Variants in VWA8 observed in about 807,000 individuals in gnomAD.
VWA8 encodes the protein von Willebrand factor A domain-containing protein 8.
VWA8 carries 221 observed loss-of-function variants against 241.5 expected under a neutral mutation model. The ratio of observed to expected loss-of-function variants is 0.91; its 90% CI spans 0.82 to 1.02. The LOEUF (loss-of-function observed/expected upper bound fraction) is 1.02, where lower values mean the gene tolerates loss of function less well. Ranked by LOEUF, VWA8 falls within the 50% of genes least tolerant of loss-of-function variation. The pLI, the probability that VWA8 is intolerant of heterozygous loss-of-function variation, is 0.00. For missense variants in VWA8, 2,322 were observed against 2,328.7 expected (o/e 1.00, Z 0.06); for synonymous variants, 852 against 827.1 (o/e 1.03, Z -0.52).
chr13:41,692,554 T>C (rs2045185408), intron 30 of VWA8, among the ~76,000 whole-genome samples: 3 of 152,126 alleles, frequency 2.0e-5, no homozygotes, highest in East Asian at 1.9e-4. Flanking sequence ...ACAGGTTAAA[T>C]TGACTCCATG....
chr13:41,901,489 CA>C (rs1875421803), intron 4 of VWA8, among the ~76,000 whole-genome samples: 1 of 152,198 alleles, frequency 6.6e-6, no homozygotes, highest in Non-Finnish European at 1.5e-5. Flanking sequence ...GCACCTAGCA[CA>C]ACGTAGGTCT....
rs913493645 is a variant in VWA8 at position 41,611,584 on chromosome 13, G to C, written c.4869C>G (p.Phe1623Leu). The change falls in exon 39 of 45, where the codon TTC becomes TTG. Residue 1623 changes from phenylalanine to leucine, a missense_variant. Transcript: ENST00000379310. ...RAAREMGQRA[F>L]QQRLKEIQMS... ...GTGATGGGAGCACTGACCTCTGCTG[G>C]AATGCTCTCTGGCCCATCTCTCTAG... 1.2e-6 allele frequency: 2 copies of C among 1,613,874 alleles called. No homozygotes were observed. Among genetic ancestry groups the C allele is most frequent in the Non-Finnish European group, 1.7e-6 (2 of 1,179,890 alleles).
intron 37 of VWA8, among the ~76,000 whole-genome samples, chr13:41,649,730 G>T (rs1043816935): frequency 6.6e-6 from 1 of 151,990 alleles, no homozygotes; most frequent in Non-Finnish European, 1.5e-5. Flanking sequence ...ATCTGGTAAT[G>T]GTGAAACAGA....
intron 2 of VWA8, among the ~76,000 whole-genome samples, chr13:41,920,840 A>G (rs1390786901): frequency 1.3e-5 from 2 of 152,228 alleles, no homozygotes; most frequent in East Asian, 1.9e-4. Context: ...ATTCACAGCC[A>G]AATTCTACCA....
chr13:41,863,678 T>C (rs1873151824), intron 12 of VWA8, among the ~76,000 whole-genome samples: 2 of 151,666 alleles, frequency 1.3e-5, no homozygotes, highest in South Asian at 4.2e-4. Flanking sequence ...TGCAGCAACA[T>C]GGATGTAGCT....
intron 2 of VWA8, among the ~76,000 whole-genome samples, chr13:41,944,741 C>T (rs188667523): frequency 1.3e-5 from 2 of 152,300 alleles, no homozygotes; most frequent in East Asian, 3.9e-4. Context: ...TGGCAGCTCC[C>T]TGAAATGCTC....
intron 32 of VWA8, 30 bp from the exon 33 acceptor site, chr13:41,690,305 T>C (rs1803275428): frequency 6.3e-7 from 1 of 1,581,296 alleles, no homozygotes; most frequent in African/African-American, 1.4e-5. Context: ...CTAGCTTAAG[T>C]GAAATTTTTC....
Position 41,610,323 on chromosome 13 carries a change from T to C in VWA8, c.4877+1253A>G, listed in dbSNP as rs965530615. On this transcript the variant is annotated intron_variant, in intron 39 of 44. Transcript: ENST00000379310. ...ATAAACACTTTCATTCCTAACATAG[T>C]TACCTGTTCTCATAACCTCCCTGGG... Among the ~76,000 whole-genome samples the C allele has an allele frequency of 2.0e-5, 3 of 152,328 alleles. No homozygotes were observed. In the East Asian group the frequency reaches 5.8e-4, roughly 29 times the overall value.
chr13:41,637,944 T>G (rs1593666261), intron 37 of VWA8, among the ~76,000 whole-genome samples: 1 of 152,226 alleles, frequency 6.6e-6, no homozygotes, highest in East Asian at 1.9e-4. Flanking sequence ...GAGTTTTAGT[T>G]CTAGTTCTAC....
chr13:41,882,720 G>C (rs1424755693), intron 9 of VWA8, among the ~76,000 whole-genome samples: 1 of 152,110 alleles, frequency 6.6e-6, no homozygotes, highest in African/African-American at 2.4e-5. Context: ...AGGAGAATCA[G>C]GCAGGGAGGT....
intron 37 of VWA8, among the ~76,000 whole-genome samples, chr13:41,653,734 T>C (rs1408146777): frequency 6.6e-6 from 1 of 151,962 alleles, no homozygotes; most frequent in Non-Finnish European, 1.5e-5. Context: ...TGGAACAGAA[T>C]AGAGAACCCA....
chr13:41,587,604 G>C lies in VWA8; in HGVS notation c.5179C>G (p.Arg1727Gly). Residue 1727 changes from arginine (R) to glycine (G), a missense_variant, in exon 42 of 45, where the codon CGT becomes GGT. Transcript: ENST00000379310. ...AGCCGGCCATCCATCCTGTTGAAAC[G>C]GTACATGCTACCAGACACATCTACC... ...LVVDVSGSMY[R>G]FNRMDGRLER... 1 of 1,614,144 alleles carries C rather than the reference G, an allele frequency of 6.2e-7. No homozygotes were observed. The highest frequency in any genetic ancestry group is 8.5e-7 in the Non-Finnish European group (1 of 1,180,042).
chr13:41,608,570 T>C (rs1297248181), intron 39 of VWA8, among the ~76,000 whole-genome samples: 1 of 152,208 alleles, frequency 6.6e-6, no homozygotes, highest in African/African-American at 2.4e-5. Context: ...CTCATTTTAC[T>C]TTTTCTTATA....
At chr13:41,942,067 TC>T (rs1357700834) in intron 2 of VWA8, among the ~76,000 whole-genome samples, 1 of 151,970 alleles carries the variant, frequency 6.6e-6, no homozygotes, top group Non-Finnish European at 1.5e-5. Context: ...AGTGCCCTTT[TC>T]CCCCCAATTA....
rs372439480 is a variant in VWA8, at chr13:41,706,841, T to C, written c.3117-3430A>G. 7.2e-5 allele frequency among the ~76,000 whole-genome samples: 11 copies of C among 152,358 alleles called. No individual in the cohort carries two copies. The East Asian group carries it at 1.3e-3, about 19-fold the overall frequency. On this transcript the variant is annotated intron_variant, in intron 26 of 44. Coordinates refer to ENST00000379310, the MANE Select transcript of VWA8 (RefSeq NM_015058.2). ...TGGCTTTAAGACTTTGTCACTTGTA[T>C]TGTTTAACTTTGTTAAAGTCCTAGC...
intron 20 of VWA8, among the ~76,000 whole-genome samples, chr13:41,765,022 G>C (rs988187750): frequency 1.9e-4 from 29 of 152,118 alleles, no homozygotes; most frequent in African/African-American, 6.7e-4. Context: ...AGAGAGAAAT[G>C]AATATATTTA....
chr13:41,605,241 G>A lies in VWA8; in HGVS notation c.4913C>T (p.Ala1638Val). 2 of 1,613,134 alleles carry A rather than the reference G, an allele frequency of 1.2e-6. No individual in the cohort carries two copies. Among genetic ancestry groups the A allele is most frequent in the Non-Finnish European group, 1.7e-6 (2 of 1,179,330 alleles). The change falls in exon 40 of 45, where the codon GCA (alanine) becomes GTA (valine). Residue 1638 changes from alanine to valine, a missense_variant. Ala to Val is a moderately conservative substitution (Grantham distance 64). Coordinates refer to ENST00000379310, the MANE Select transcript of VWA8 (RefSeq NM_015058.2). ...KEIQMSEYDA[A>V]TYERFSGAVR... ...AGCACCTGAAAACCTTTCATAGGTT[G>A]CAGCATCGTATTCACTCATTTGGAT... is the stretch of plus-strand genomic sequence containing the variant.
intron 21 of VWA8, among the ~76,000 whole-genome samples, chr13:41,753,388 T>C (rs2045670350): frequency 6.6e-6 from 1 of 152,196 alleles, no homozygotes; most frequent in South Asian, 2.1e-4. Flanking sequence ...ACATGTATTT[T>C]TAACCAAGGA....
chr13:41,747,762 G>T (rs1185090302), intron 21 of VWA8, among the ~76,000 whole-genome samples: 1 of 152,136 alleles, frequency 6.6e-6, no homozygotes, highest in Non-Finnish European at 1.5e-5. Context: ...ATTATTTTGA[G>T]ATACGTCCCA....
Sources: gnomAD v4.1 joint callset for allele counts (sites outside exome capture counted in the v4.1 genomes callset) on GRCh38, gnomAD v4.1.1 for gene constraint, MANE v1.5 for transcripts, NCBI Gene and HGNC (gene_info 2026-07-23, HGNC 2026-07-21) for gene names.